YAP1: variants seen among roughly 807,000 people sequenced by gnomAD.
YAP1 encodes the protein transcriptional coactivator YAP1.
YAP1 carries 5 observed loss-of-function variants against 56.9 expected under a neutral mutation model. The ratio of observed to expected loss-of-function variants is 0.09; its 90% CI spans 0.05 to 0.18. YAP1 has a LOEUF of 0.18. YAP1 is among the 10% of genes least tolerant of loss of function. The pLI is 1.00. For synonymous variants in YAP1, 265 were observed against 248.1 expected (o/e 1.07, Z -0.64); for missense variants, 539 against 651.8 (o/e 0.83, Z 1.88).
intron 4 of YAP1, among the ~76,000 whole-genome samples, chr11:102,189,121 A>G (rs939511710): frequency 2.0e-5 from 3 of 152,114 alleles, no homozygotes; most frequent in African/African-American, 7.2e-5. Flanking sequence ...TTTGTTCAAG[A>G]AAATGGTTCC....
chr11:102,230,103 G>C lies in YAP1; in HGVS notation c.*163G>C, dbSNP rs1950384661. ...TCTATTTTGCTCTTCCTTGTCCATT[G>C]CTGCTGTTAATGTATTGCTGACCTC... On this transcript the variant is annotated 3_prime_UTR_variant, in exon 9 of 9. Coordinates refer to ENST00000282441, the MANE Select transcript of YAP1 (RefSeq NM_001130145.3). The C allele has an allele frequency of 1.6e-6, 1 of 627,554 alleles. No individual in the cohort carries two copies. Among genetic ancestry groups the C allele is most frequent in the Admixed American group, 2.8e-5 (1 of 35,362 alleles). 38.9% of individuals were successfully genotyped at this position (627,554 alleles called of 1,614,324 possible). A position where few individuals can be genotyped will look rare whatever the true frequency, so the allele number is the denominator to read the frequency against.
At chr11:102,165,950 G>C (rs928628122) in intron 3 of YAP1, among the ~76,000 whole-genome samples, 2 of 152,154 alleles carry the variant, frequency 1.3e-5, no homozygotes, top group African/African-American at 4.8e-5. Context: ...AGGAGGCCTT[G>C]TTTCAAATAA....
At position 102,147,540 on chromosome 11, in the gene YAP1, C is replaced by T. The variant is rs554606758; in HGVS notation, c.573-14916C>T. ...ATGCTTAAGGCAGGTGCGCATTATC[C>T]CTATTTACAGATGAGGAAAAGAAGT... On this transcript the variant is annotated intron_variant, in intron 2 of 8. Coordinates refer to ENST00000282441, the MANE Select transcript of YAP1 (RefSeq NM_001130145.3). 5.9e-4 allele frequency among the ~76,000 whole-genome samples: 89 copies of T among 152,114 alleles called. 3 individuals carry two copies. The South Asian group carries it at 0.018, about 31-fold the overall frequency.
intron 3 of YAP1, among the ~76,000 whole-genome samples, chr11:102,163,442 A>C (rs1298156422): frequency 6.6e-6 from 1 of 152,148 alleles, no homozygotes; most frequent in Non-Finnish European, 1.5e-5. Flanking sequence ...CATATTAGGA[A>C]AAGGTGCCCT....
chr11:102,145,527 C>G (rs771668327), intron 2 of YAP1, among the ~76,000 whole-genome samples: 1 of 151,856 alleles, frequency 6.6e-6, no homozygotes, highest in Non-Finnish European at 1.5e-5. Flanking sequence ...GATAAGAAAC[C>G]TATAATAATT....
chr11:102,158,056 TGGAA>T (rs1946055531), intron 2 of YAP1, among the ~76,000 whole-genome samples: 1 of 152,318 alleles, frequency 6.6e-6, no homozygotes, highest in South Asian at 2.1e-4. Context: ...TTAGCAGACT[TGGAA>T]GGAACCAGTT....
chr11:102,224,744 A>C (rs538603330), intron 7 of YAP1, among the ~76,000 whole-genome samples: 2 of 152,322 alleles, frequency 1.3e-5, no homozygotes, highest in East Asian at 3.9e-4. Flanking sequence ...ATGTATTTTA[A>C]GTTTGTATTT....
intron 3 of YAP1, among the ~76,000 whole-genome samples, chr11:102,170,093 T>G (rs1179056293): frequency 6.6e-6 from 1 of 152,224 alleles, no homozygotes; most frequent in Non-Finnish European, 1.5e-5. Flanking sequence ...TAATCATCGC[T>G]CTTGACTTAG....
intron 2 of YAP1, among the ~76,000 whole-genome samples, chr11:102,132,730 T>C (rs769731611): frequency 3.3e-5 from 5 of 152,262 alleles, no homozygotes; most frequent in Non-Finnish European, 5.9e-5. Flanking sequence ...CCAATAAATT[T>C]ATTAGAATTG....
chr11:102,123,830 G>A (rs1209851892), intron 2 of YAP1, among the ~76,000 whole-genome samples: 7 of 151,704 alleles, frequency 4.6e-5, no homozygotes, highest in African/African-American at 9.7e-5. Context: ...TAGTAGAGAC[G>A]GAGTTTCACC....
intron 3 of YAP1, among the ~76,000 whole-genome samples, chr11:102,184,287 A>G (rs1035630744): frequency 4.6e-5 from 7 of 152,214 alleles, no homozygotes; most frequent in African/African-American, 9.7e-5. Flanking sequence ...GTAGCAAACC[A>G]TTAATATTCA....
intron 6 of YAP1, among the ~76,000 whole-genome samples, chr11:102,212,839 C>A (rs1949476213): frequency 1.3e-5 from 2 of 152,158 alleles, no homozygotes; most frequent in Admixed American, 1.3e-4. Context: ...CCTCGTCCTC[C>A]CAAAGTTCTG....
intron 2 of YAP1, among the ~76,000 whole-genome samples, chr11:102,121,787 TA>T (rs967841665): frequency 2.2e-4 from 33 of 152,042 alleles, no homozygotes; most frequent in African/African-American, 6.8e-4. Context: ...TAAGGTATAT[TA>T]TTTTTTTGTA....
At chr11:102,174,084 C>G (rs1159332605) in intron 3 of YAP1, among the ~76,000 whole-genome samples, 1 of 152,172 alleles carries the variant, frequency 6.6e-6, no homozygotes, top group Non-Finnish European at 1.5e-5. Context: ...TCTGGTGATG[C>G]TGATACTGCT....
intron 5 of YAP1, among the ~76,000 whole-genome samples, chr11:102,207,425 C>G (rs1949176992): frequency 6.6e-6 from 1 of 151,922 alleles, no homozygotes; most frequent in Non-Finnish European, 1.5e-5. Flanking sequence ...GGCATGGTGG[C>G]TCATGCCTCT....
chr11:102,179,562 G>C (rs1279992876), intron 3 of YAP1, among the ~76,000 whole-genome samples: 1 of 152,312 alleles, frequency 6.6e-6, no homozygotes, highest in African/African-American at 2.4e-5. Context: ...GAATGCCCAT[G>C]CCCGGAATGT....
intron 4 of YAP1, among the ~76,000 whole-genome samples, chr11:102,194,684 A>G (rs1306723812): frequency 6.6e-6 from 1 of 152,146 alleles, no homozygotes; most frequent in Non-Finnish European, 1.5e-5. Context: ...TGGTCAAGGG[A>G]GGTTTTTCAA....
chr11:102,160,146 C>G (rs1316446700), intron 2 of YAP1, among the ~76,000 whole-genome samples: 1 of 151,104 alleles, frequency 6.6e-6, no homozygotes, highest in Admixed American at 6.6e-5. Context: ...GCCTTAGCCT[C>G]CCGAGTAGCT....
At chr11:102,153,957 T>C (rs182500809) in intron 2 of YAP1, among the ~76,000 whole-genome samples, 1 of 152,162 alleles carries the variant, frequency 6.6e-6, no homozygotes, top group Non-Finnish European at 1.5e-5. Flanking sequence ...TCTCATAGAT[T>C]GAGGCAGTCT....
Sources: allele counts gnomAD v4.1 joint callset (sites outside exome capture counted in the v4.1 genomes callset), GRCh38; gene constraint gnomAD v4.1.1; transcripts MANE v1.5; gene names NCBI Gene and HGNC (gene_info 2026-07-23, HGNC 2026-07-21).